The following DLGAP1 variants were observed in gnomAD, a reference collection of about 807,000 sequenced individuals.
DLGAP1 encodes DLG associated protein 1.
DLGAP1 carries 11 observed loss-of-function variants against 90.8 expected under a neutral mutation model. The observed-to-expected ratio is 0.12, with a 90% CI of 0.08 to 0.20. The LOEUF is 0.20. Ranked by LOEUF, DLGAP1 falls within the 10% of genes least tolerant of loss-of-function variation. The pLI is 1.00. For synonymous variants in DLGAP1, 558 were observed against 540.7 expected, an observed-to-expected ratio of 1.03 and a Z score of -0.44; for missense variants, 1,050 against 1,333.8, an observed-to-expected ratio of 0.79 and a Z score of 3.31.
chr18:3,674,034 G>C (rs993983620), intron 7 of DLGAP1, among the ~76,000 whole-genome samples: 6 of 151,892 alleles, frequency 4.0e-5, no homozygotes, highest in Non-Finnish European at 8.8e-5. Context: ...CAGAGACAGG[G>C]TTTCACCATG....
intron 10 of DLGAP1, among the ~76,000 whole-genome samples, chr18:3,528,409 CCA>C (rs2051786606): frequency 6.6e-6 from 1 of 152,132 alleles, no homozygotes; most frequent in Admixed American, 6.6e-5. Flanking sequence ...AACTCTAGGC[CCA>C]GTTATCAGAA....
At chr18:3,890,738 A>G (rs899539954) in intron 3 of DLGAP1, among the ~76,000 whole-genome samples, 2 of 152,130 alleles carry the variant, frequency 1.3e-5, no homozygotes, top group African/African-American at 2.4e-5. Context: ...ATTACATTTT[A>G]TTTTTTTAGG....
intron 5 of DLGAP1, among the ~76,000 whole-genome samples, chr18:3,763,914 G>A (rs572653377): frequency 6.6e-5 from 10 of 152,148 alleles, no homozygotes; most frequent in East Asian, 1.9e-4. Flanking sequence ...CACCCATCTC[G>A]GCCTCCCAAA....
chr18:3,656,764 G>A (rs945544734), intron 7 of DLGAP1, among the ~76,000 whole-genome samples: 14 of 150,798 alleles, frequency 9.3e-5, no homozygotes, highest in African/African-American at 3.4e-4. Context: ...ACAGAGTCTC[G>A]CTCTGTCACC....
intron 2 of DLGAP1, among the ~76,000 whole-genome samples, chr18:4,082,957 G>C (rs919694916): frequency 7.9e-5 from 12 of 152,154 alleles, no homozygotes; most frequent in Middle Eastern, 3.4e-3. Flanking sequence ...TTTTGAGTAA[G>C]GGTCCCCGCC....
In DLGAP1 at chr18:3,501,071, C is replaced by G. The variant is rs190477457; in HGVS notation, c.2724+1422G>C. ...CTGGCACTACAAGTGTGTACCACCA[C>G]GCCCAGCTAATTTTTGTACTTTTTG... On this transcript the variant is annotated intron_variant, in intron 12 of 12. Transcript: ENST00000315677. 1.1e-3 allele frequency among the ~76,000 whole-genome samples: 171 copies of G among 151,992 alleles called. 1 individual carries two copies. Among genetic ancestry groups the G allele is most frequent in the Admixed American group, 2.3e-3 (35 of 15,266 alleles).
intron 1 of DLGAP1, among the ~76,000 whole-genome samples, chr18:4,190,586 C>T (rs543007959): frequency 6.6e-6 from 1 of 152,156 alleles, no homozygotes; most frequent in South Asian, 2.1e-4. Flanking sequence ...CTTACTAATG[C>T]AAGATACTAA....
intron 2 of DLGAP1, among the ~76,000 whole-genome samples, chr18:4,009,861 G>C (rs972489523): frequency 6.6e-6 from 1 of 152,162 alleles, no homozygotes; most frequent in Non-Finnish European, 1.5e-5. Context: ...GGATGGAGCT[G>C]GATCATGTAT....
rs2050907889 is a variant in DLGAP1, at chr18:3,517,451, C to T, written c.2480-8790G>A. On this transcript the variant is annotated intron_variant, in intron 10 of 12. Coordinates refer to ENST00000315677, the MANE Select transcript of DLGAP1 (RefSeq NM_004746.4). The surrounding 1 kb of genome is among the most constrained non-coding windows in gnomAD (Gnocchi z 4.1). ...TACAGAGACAGTTTCTTTCTTTAAA[C>T]TCCATGAACCAACGATTGCTAGCTT... Among the ~76,000 whole-genome samples, 1 of 152,218 alleles carries T rather than the reference C, an allele frequency of 6.6e-6. No individual in the cohort carries two copies. The highest frequency in any genetic ancestry group is 1.9e-4 in the East Asian group (1 of 5,196).
At chr18:4,062,999 T>C (rs2075320021) in intron 2 of DLGAP1, among the ~76,000 whole-genome samples, 1 of 152,126 alleles carries the variant, frequency 6.6e-6, no homozygotes, top group South Asian at 2.1e-4. Context: ...ATACATTATA[T>C]ATATTCCTTT....
intron 3 of DLGAP1, among the ~76,000 whole-genome samples, chr18:3,950,830 T>C (rs985258106): frequency 1.3e-5 from 2 of 152,202 alleles, no homozygotes; most frequent in Admixed American, 6.5e-5. Flanking sequence ...AATTGTAGTG[T>C]TACAATAAAA....
chr18:4,233,628 G>A (rs564500828), intron 1 of DLGAP1, among the ~76,000 whole-genome samples: 22 of 152,258 alleles, frequency 1.4e-4, no homozygotes, highest in Admixed American at 1.2e-3. Flanking sequence ...TTAGAAGGAA[G>A]TCATTAAGTT....
intron 1 of DLGAP1, among the ~76,000 whole-genome samples, chr18:4,428,359 T>C (rs1169292630): frequency 6.6e-6 from 1 of 151,952 alleles, no homozygotes; most frequent in East Asian, 1.9e-4. Context: ...GGCGGACGGA[T>C]CACTTGAGGC....
intron 4 of DLGAP1, among the ~76,000 whole-genome samples, chr18:3,863,454 A>T (rs2070202585): frequency 6.6e-6 from 1 of 152,188 alleles, no homozygotes; most frequent in Admixed American, 6.5e-5. Flanking sequence ...CTGGAGATAA[A>T]GTTAAGTTTT....
Position 4,161,281 on chromosome 18 carries a change from C to A in DLGAP1, c.-266-9994G>T, listed in dbSNP as rs564655833. ...CACCAGTGTGTGTTGTTTCCCCGACCAACCCCACGTGTCCATGTGTTCTCA... is the reference window on the plus strand; with the variant it reads ...CACCAGTGTGTGTTGTTTCCCCGACAAACCCCACGTGTCCATGTGTTCTCA... On this transcript the variant is annotated intron_variant, in intron 1 of 12. Coordinates refer to ENST00000315677, the MANE Select transcript of DLGAP1 (RefSeq NM_004746.4). Among the ~76,000 whole-genome samples, 6 of 152,184 alleles carry A rather than the reference C, an allele frequency of 3.9e-5. No homozygotes were observed. The South Asian group carries it at 1.0e-3, about 26-fold the overall frequency.
intron 5 of DLGAP1, among the ~76,000 whole-genome samples, chr18:3,798,548 G>C (rs2066127200): frequency 6.6e-6 from 1 of 152,200 alleles, no homozygotes; most frequent in Non-Finnish European, 1.5e-5. Context: ...CCAGTTCCCT[G>C]AGGAAGAGCC....
At chr18:3,915,576 G>A (rs1434189587) in intron 3 of DLGAP1, among the ~76,000 whole-genome samples, 1 of 152,174 alleles carries the variant, frequency 6.6e-6, no homozygotes, top group Non-Finnish European at 1.5e-5. Context: ...CTGTTCCTGG[G>A]AATTCTTTTG....
At chr18:4,166,733 G>A (rs747923293) in intron 1 of DLGAP1, among the ~76,000 whole-genome samples, 10 of 152,154 alleles carry the variant, frequency 6.6e-5, no homozygotes, top group Non-Finnish European at 1.0e-4. Flanking sequence ...ATGAAATTCT[G>A]ACACATGCTG....
chr18:3,621,853 C>A (rs1210364222), intron 7 of DLGAP1, among the ~76,000 whole-genome samples: 3 of 152,106 alleles, frequency 2.0e-5, no homozygotes, highest in Non-Finnish European at 2.9e-5. Flanking sequence ...GTAATCCCAG[C>A]TAGTAGGGAG....
Sources: allele counts gnomAD v4.1 joint callset (sites outside exome capture counted in the v4.1 genomes callset), GRCh38; gene constraint gnomAD v4.1.1; non-coding constraint Gnocchi (gnomAD v3.1); transcripts MANE v1.5; gene names NCBI Gene and HGNC (gene_info 2026-07-23, HGNC 2026-07-21).